The following JAK1 variants were observed in gnomAD, a reference collection of about 807,000 sequenced individuals.
The protein encoded by JAK1 is tyrosine-protein kinase JAK1.
In JAK1, 16 loss-of-function variants were observed where a neutral mutation model predicts 136.6. That is an observed-to-expected ratio of 0.12 (90% CI 0.08 to 0.18). JAK1 has a LOEUF of 0.18. Among genes scored for constraint, JAK1 ranks in the 10% least tolerant of loss-of-function variants. The probability of loss-of-function intolerance (pLI) is 1.00; values close to 1 mark genes in which losing one functional copy is unlikely to be tolerated. For missense variants in JAK1, 859 were observed against 1,450.1 expected (o/e 0.59, Z 6.62); for synonymous variants, 492 against 519.5 (o/e 0.95, Z 0.72).
intron 13 of JAK1, 142 bp downstream of exon 13, chr1:64,847,390 G>A (rs1456814104): frequency 7.5e-6 from 7 of 934,558 alleles, no homozygotes; most frequent in Non-Finnish European, 1.0e-5. Flanking sequence ...AAGATCATAT[G>A]TGGAGAAAAA....
rs529899729 is a variant in JAK1 at position 65,017,508 on chromosome 1, CAAT to C, written c.-78+26969_-78+26971del. On this transcript the variant is annotated intron_variant, in intron 2 of 25. Transcript: ENST00000671954. ...AAAATAAATCATTAGAGGATTCAAA[CAAT>C]AATGATTAATAAAACTGATCTAATA... Among the ~76,000 whole-genome samples, 500 of 152,126 alleles carry C rather than the reference CAAT, an allele frequency of 3.3e-3. 3 individuals carry two copies. The highest frequency in any genetic ancestry group is 0.012 in the African/African-American group (484 of 41,504).
upstream of JAK1, among the ~76,000 whole-genome samples, chr1:64,968,657 T>C (rs977121419): frequency 2.0e-5 from 3 of 151,840 alleles, no homozygotes; most frequent in Admixed American, 6.6e-5. Context: ...AAAGGCCAGG[T>C]GCAGTGGCTC....
At chr1:64,950,170 C>T (rs1054802352) in intron 1 of JAK1, among the ~76,000 whole-genome samples, 1 of 152,048 alleles carries the variant, frequency 6.6e-6, no homozygotes. Flanking sequence ...AGCACTTTGG[C>T]GGGCCAAGGC....
intron 4 of JAK1, chr1:64,876,535 A>G (rs1008897139): frequency 6.6e-6 from 1 of 152,228 alleles, no homozygotes; most frequent in Non-Finnish European, 1.5e-5. Context: ...CCTTAATAAG[A>G]TGTCAAAAAT....
At chr1:64,953,806 C>T (rs894452639) in intron 1 of JAK1, among the ~76,000 whole-genome samples, 1 of 152,024 alleles carries the variant, frequency 6.6e-6, no homozygotes, top group East Asian at 1.9e-4. Flanking sequence ...ATTACAGGTG[C>T]GTGCTGCCAC....
chr1:64,941,342 A>G lies in JAK1; in HGVS notation c.-78+24991T>C, dbSNP rs540285131. Among the ~76,000 whole-genome samples the G allele has an allele frequency of 1.2e-3, 184 of 152,324 alleles. 1 individual carries two copies. Among genetic ancestry groups the G allele is most frequent in the Middle Eastern group, 6.8e-3 (2 of 294 alleles). On this transcript the variant is annotated intron_variant, in intron 1 of 24. Transcript: ENST00000342505. ...AAAAAAAAATTCATTCCTTAACTCTAGAGAAACACTTTTAAATATAAAATG... is the reference window on the plus strand; with the variant it reads ...AAAAAAAAATTCATTCCTTAACTCTGGAGAAACACTTTTAAATATAAAATG...
At chr1:65,064,500 T>C (rs751436240) in intron 1 of JAK1, among the ~76,000 whole-genome samples, 2 of 152,240 alleles carry the variant, frequency 1.3e-5, no homozygotes, top group Non-Finnish European at 2.9e-5. Flanking sequence ...TATCGTTTAT[T>C]AGGTAGCCCT....
upstream of JAK1, chr1:64,966,613 A>C (rs1204980841): frequency 1.7e-4 from 3 of 17,850 alleles, no homozygotes; most frequent in African/African-American, 4.5e-4. Flanking sequence ...CGCCGGGCCC[A>C]CCCCCTCGCG....
chr1:64,990,936 AAAAG>A (rs1415257396), intron 2 of JAK1: 2 of 144,628 alleles, frequency 1.4e-5, no homozygotes, highest in Admixed American at 1.4e-4. Flanking sequence ...AAAAAAAAAA[AAAAG>A]AAAAGAAGAA....
intron 2 of JAK1, among the ~76,000 whole-genome samples, chr1:65,036,650 T>C (rs771812937): frequency 2.1e-4 from 32 of 150,878 alleles, no homozygotes; most frequent in Admixed American, 4.0e-4. Context: ...ACCAAGTGAG[T>C]TCTAATTATT....
intron 2 of JAK1, among the ~76,000 whole-genome samples, chr1:65,017,616 C>T (rs532499604): frequency 3.3e-5 from 5 of 152,140 alleles, no homozygotes; most frequent in African/African-American, 9.6e-5. Context: ...TGGACTCATA[C>T]ATAGTCATTA....
At chr1:64,890,825 C>T (rs371496900) in intron 1 of JAK1, among the ~76,000 whole-genome samples, 5 of 152,166 alleles carry the variant, frequency 3.3e-5, no homozygotes, top group East Asian at 3.8e-4. Flanking sequence ...ATCAAAACCC[C>T]ATTTCATAAA....
intron 1 of JAK1, 45 bp from the exon 2 acceptor site, chr1:64,886,386 CAT>C: frequency 8.7e-7 from 1 of 1,148,536 alleles, no homozygotes; most frequent in South Asian, 1.7e-5. Context: ...GAGGTAATTG[CAT>C]CTGAAAATAA....
At chr1:64,846,810 G>T in intron 13 of JAK1, 74 bp from the exon 14 acceptor site, 2 of 1,189,378 alleles carry the variant, frequency 1.7e-6, no homozygotes, top group South Asian at 1.3e-5. Flanking sequence ...TCTGTTGAGG[G>T]GAAAGCCAGT....
chr1:64,933,485 A>G (rs921184436), intron 1 of JAK1, among the ~76,000 whole-genome samples: 2 of 152,250 alleles, frequency 1.3e-5, no homozygotes, highest in African/African-American at 4.8e-5. Flanking sequence ...ACTGCCAAAA[A>G]GCAGGATTCC....
chr1:64,860,483 T>C (rs1200354992), intron 8 of JAK1, among the ~76,000 whole-genome samples: 2 of 151,566 alleles, frequency 1.3e-5, no homozygotes, highest in Non-Finnish European at 2.9e-5. Flanking sequence ...AGATGGAGTT[T>C]CACTCTGTCG....
intron 7 of JAK1, among the ~76,000 whole-genome samples, 195 bp from the exon 8 acceptor site, chr1:64,865,167 T>C (rs1024583762): frequency 1.3e-5 from 2 of 152,218 alleles, no homozygotes; most frequent in African/African-American, 4.8e-5. Flanking sequence ...CAGGGAATCC[T>C]GGGCTTTCAT....
chr1:64,913,629 G>GAGGGAGGA (rs1332719526), intron 1 of JAK1, among the ~76,000 whole-genome samples: 1 of 96,678 alleles, frequency 1.0e-5, no homozygotes, highest in Admixed American at 1.3e-4. Flanking sequence ...GGGAGGGAGG[G>GAGGGAGGA]AGGGAGGAAG....
intron 10 of JAK1, 76 bp from the exon 11 acceptor site, chr1:64,855,774 G>A (rs1655893650): frequency 6.0e-6 from 7 of 1,159,596 alleles, no homozygotes; most frequent in African/African-American, 1.6e-5. Flanking sequence ...AACATTAGGG[G>A]AAGCTGCATG....
Sources: gnomAD v4.1 joint callset for allele counts (sites outside exome capture counted in the v4.1 genomes callset) on GRCh38, gnomAD v4.1.1 for gene constraint, MANE v1.5 for transcripts, NCBI Gene and HGNC (gene_info 2026-07-23, HGNC 2026-07-21) for gene names.